The following PCDHA10 variants were observed in gnomAD, a reference collection of about 807,000 sequenced individuals.
The protein encoded by PCDHA10 is protocadherin alpha-10.
In PCDHA10, 45 loss-of-function variants were observed where a neutral mutation model predicts 61.2. That is an observed-to-expected ratio of 0.74 (90% CI 0.58 to 0.94). The LOEUF (loss-of-function observed/expected upper bound fraction) is 0.94. PCDHA10 is among the 40% of genes least tolerant of loss of function. PCDHA10 has a pLI of 0.00. For synonymous variants in PCDHA10, 602 were observed against 548.8 expected, an observed-to-expected ratio of 1.10 and a Z score of -1.35; for missense variants, 1,278 against 1,236.2, an observed-to-expected ratio of 1.03 and a Z score of -0.51.
intron 1 of PCDHA10, among the ~76,000 whole-genome samples, chr5:140,963,398 G>C (rs1465736344): frequency 6.6e-6 from 1 of 152,220 alleles, no homozygotes; most frequent in Admixed American, 6.5e-5. Flanking sequence ...CTCCCTACTG[G>C]ATGCTGTAGA....
Position 140,856,728 on chromosome 5 carries a change from T to C in PCDHA10, c.680T>C (p.Leu227Pro). The C allele has an allele frequency of 6.3e-7, 1 of 1,595,848 alleles. No homozygotes were observed. ...GKPEFTGSVSLLILVLDANDN... is the reference protein window; with the variant it reads ...GKPEFTGSVSPLILVLDANDN... ...CCTGAATTTACCGGATCTGTTTCTC[T>C]GCTGATCCTGGTGTTAGATGCCAAT... The change falls in exon 1 of 4, where the codon CTG becomes CCG. Residue 227 changes from leucine to proline, a missense_variant. Physicochemically the swap from Leu to Pro is moderately conservative, Grantham distance 98 (BLOSUM62 -3). Coordinates refer to ENST00000307360, the MANE Select transcript of PCDHA10 (RefSeq NM_018901.4).
intron 1 of PCDHA10, among the ~76,000 whole-genome samples, chr5:140,954,934 T>A (rs1417357535): frequency 2.6e-5 from 4 of 152,208 alleles, no homozygotes; most frequent in African/African-American, 9.6e-5. Flanking sequence ...TTAATTAATC[T>A]TGAGTTAATT....
At chr5:140,980,858 A>T (rs2096908934) in intron 2 of PCDHA10, among the ~76,000 whole-genome samples, 2 of 152,162 alleles carry the variant, frequency 1.3e-5, no homozygotes, top group Admixed American at 1.3e-4. Flanking sequence ...TCTTTTTCGT[A>T]TGTGTGCTTG....
chr5:140,897,253 T>C (rs1481151592), intron 1 of PCDHA10, among the ~76,000 whole-genome samples: 1 of 151,928 alleles, frequency 6.6e-6, no homozygotes, highest in East Asian at 1.9e-4. Flanking sequence ...TACATATGTA[T>C]ACATGTGCCA....
intron 3 of PCDHA10, among the ~76,000 whole-genome samples, chr5:140,992,036 TG>T (rs2097488420): frequency 6.6e-6 from 1 of 151,818 alleles, no homozygotes; most frequent in African/African-American, 2.4e-5. Flanking sequence ...TGTGTGTGTG[TG>T]TGTGTGTGTG....
chr5:141,002,128 C>T (rs1426506599), intron 3 of PCDHA10, among the ~76,000 whole-genome samples: 1 of 152,244 alleles, frequency 6.6e-6, no homozygotes, highest in African/African-American at 2.4e-5. Context: ...ATTTAATAGC[C>T]TTTGCCGGCT....
rs114410083 is a variant in PCDHA10, at chr5:140,927,323, C to T, written c.2389-51626C>T. 1,487 of 1,614,220 alleles carry T rather than the reference C, an allele frequency of 9.2e-4. 8 individuals are homozygous for T. In the African/African-American group the frequency reaches 0.018, roughly 19 times the overall value. ...TTCCTGACGCCCGGAGCCCGCTTTA[C>T]TCTCCCGAATGCCCAAGATGACGAC... On this transcript the variant is annotated intron_variant, in intron 1 of 3. Coordinates refer to ENST00000307360, the MANE Select transcript of PCDHA10 (RefSeq NM_018901.4).
chr5:140,966,750 C>A, intron 1 of PCDHA10: 1 of 1,428,438 alleles, frequency 7.0e-7, no homozygotes, highest in South Asian at 1.5e-5. Flanking sequence ...CGGCTGCCTC[C>A]GCCGCGGCCA....
At chr5:140,925,545 T>C (rs2082554124) in intron 1 of PCDHA10, among the ~76,000 whole-genome samples, 1 of 151,896 alleles carries the variant, frequency 6.6e-6, no homozygotes, top group Non-Finnish European at 1.5e-5. Flanking sequence ...ATACCTAATG[T>C]AAATGACAAG....
chr5:140,975,202 T>G (rs143285430), intron 1 of PCDHA10, among the ~76,000 whole-genome samples: 4 of 152,352 alleles, frequency 2.6e-5, no homozygotes, highest in African/African-American at 7.2e-5. Flanking sequence ...TCCATCTTCA[T>G]GGCTGGCACT....
intron 1 of PCDHA10, among the ~76,000 whole-genome samples, chr5:140,962,592 G>C (rs1318639328): frequency 1.3e-5 from 2 of 152,164 alleles, no homozygotes; most frequent in Non-Finnish European, 2.9e-5. Flanking sequence ...ATATTTGACT[G>C]ATATATTTCT....
intron 1 of PCDHA10, among the ~76,000 whole-genome samples, chr5:140,909,383 C>T (rs782249699): frequency 5.9e-5 from 9 of 152,202 alleles, no homozygotes; most frequent in Non-Finnish European, 1.3e-4. Flanking sequence ...GAAACCACAT[C>T]TAGTACAGCA....
Position 140,877,092 on chromosome 5 carries a change from C to T in PCDHA10, c.2388+18656C>T, listed in dbSNP as rs200462899. On this transcript the variant is annotated intron_variant, in intron 1 of 3. Coordinates refer to ENST00000307360, the MANE Select transcript of PCDHA10 (RefSeq NM_018901.4). ...AGTTCCAGGTGAGCGCGCGCGACGCCGGCGTGCCGCCTCTGGGCAGCAACG... is the reference window on the plus strand; with the variant it reads ...AGTTCCAGGTGAGCGCGCGCGACGCTGGCGTGCCGCCTCTGGGCAGCAACG... The T allele has an allele frequency of 2.9e-3, 4,637 of 1,613,220 alleles. 21 individuals carry two copies. Among genetic ancestry groups the T allele is most frequent in the African/African-American group, 0.01 (785 of 75,014 alleles).
At chr5:140,975,093 T>C (rs578045924) in intron 1 of PCDHA10, among the ~76,000 whole-genome samples, 2 of 152,266 alleles carry the variant, frequency 1.3e-5, no homozygotes, top group South Asian at 2.1e-4. Context: ...ATCCAGTTGT[T>C]TGGGGACTGA....
intron 3 of PCDHA10, among the ~76,000 whole-genome samples, chr5:141,008,053 C>T (rs1554261648): frequency 6.6e-6 from 1 of 152,056 alleles, no homozygotes; most frequent in African/African-American, 2.4e-5. Context: ...AACAGGGGTC[C>T]AGTCCATCTA....
At chr5:140,962,312 A>G (rs2095671896) in intron 1 of PCDHA10, among the ~76,000 whole-genome samples, 1 of 152,204 alleles carries the variant, frequency 6.6e-6, no homozygotes, top group African/African-American at 2.4e-5. Context: ...TTGTTAGGCC[A>G]TCTCAATTGA....
intron 1 of PCDHA10, chr5:140,876,390 T>C (rs782772987): frequency 1.2e-6 from 2 of 1,613,902 alleles, no homozygotes; most frequent in African/African-American, 1.3e-5. Context: ...GAATTTATGG[T>C]GAACTGGATT....
intron 1 of PCDHA10, chr5:140,876,731 C>T (rs782483829): frequency 1.7e-5 from 27 of 1,614,124 alleles, no homozygotes; most frequent in Non-Finnish European, 1.9e-5. Context: ...AGCGTGTCGG[C>T]CTATGAGCTG....
At chr5:140,941,210 T>TCTTCCTTTCTTTCTTC (rs2092851427) in intron 1 of PCDHA10, among the ~76,000 whole-genome samples, 1 of 100,630 alleles carries the variant, frequency 9.9e-6, no homozygotes, top group South Asian at 2.9e-4. Context: ...TTCCTTTCTT[T>TCTTCCTTTCTTTCTTC]CTTCCTTTCT....
Sources: gnomAD v4.1 joint callset for allele counts (sites outside exome capture counted in the v4.1 genomes callset) on GRCh38, gnomAD v4.1.1 for gene constraint, MANE v1.5 for transcripts, NCBI Gene and HGNC (gene_info 2026-07-23, HGNC 2026-07-21) for gene names.